LYRM4: variants seen among roughly 807,000 people sequenced by gnomAD.
LYRM4 encodes LYR motif-containing protein 4.
LYRM4 carries 9 observed loss-of-function variants against 11.7 expected under a neutral mutation model. That is an observed-to-expected ratio of 0.77 (90% CI 0.46 to 1.34). The LOEUF (loss-of-function observed/expected upper bound fraction) is 1.34. Ranked by LOEUF, LYRM4 falls within the 40% of genes most tolerant of loss-of-function variation. The pLI is 0.00. For missense variants in LYRM4, 133 were observed against 112.5 expected, an observed-to-expected ratio of 1.18 and a Z score of -0.82; for synonymous variants, 42 against 40.4, an observed-to-expected ratio of 1.04 and a Z score of -0.15.
chr6:5,110,000 C>T (rs780798834), intron 2 of LYRM4, among the ~76,000 whole-genome samples: 15 of 152,224 alleles, frequency 9.9e-5, no homozygotes, highest in Non-Finnish European at 1.6e-4. Flanking sequence ...AGTGCCTGCA[C>T]CTCCTGCCTT....
At chr6:5,121,539 A>G (rs1228063210) in intron 2 of LYRM4, among the ~76,000 whole-genome samples, 1 of 152,192 alleles carries the variant, frequency 6.6e-6, no homozygotes, top group African/African-American at 2.4e-5. Context: ...AGCATTGCAC[A>G]ACAGAGGATC....
chr6:5,204,298 G>C (rs1443111073), intron 2 of LYRM4, among the ~76,000 whole-genome samples: 1 of 152,198 alleles, frequency 6.6e-6, no homozygotes, highest in Non-Finnish European at 1.5e-5. Context: ...CTGGGGGACA[G>C]GGGAATACTC....
chr6:5,184,816 T>TAAATG (rs2127682866), intron 2 of LYRM4, among the ~76,000 whole-genome samples: 1 of 152,282 alleles, frequency 6.6e-6, no homozygotes. Flanking sequence ...GAGAGGGTGG[T>TAAATG]AAATGAGCAG....
chr6:5,088,522 T>C, the LYRM4 span: 18 of 152,372 alleles, frequency 1.2e-4, no homozygotes, highest in Admixed American at 5.9e-4. Flanking sequence ...TGCACACTCA[T>C]TTCTGTCTTC....
intron 1 of LYRM4, among the ~76,000 whole-genome samples, chr6:5,234,130 A>G (rs989182488): frequency 2.6e-5 from 4 of 152,268 alleles, no homozygotes; most frequent in Admixed American, 6.5e-5. Flanking sequence ...TAAAACATAA[A>G]ATAATAAAAT....
chr6:5,070,997 C>A, the LYRM4 span, among the ~76,000 whole-genome samples: 1 of 151,952 alleles, frequency 6.6e-6, no homozygotes, highest in African/African-American at 2.4e-5. Flanking sequence ...CGAGACCAGC[C>A]TGGCCAACAT....
intron 2 of LYRM4, among the ~76,000 whole-genome samples, chr6:5,158,944 G>A (rs1437627261): frequency 7.0e-6 from 1 of 143,144 alleles, no homozygotes; most frequent in Non-Finnish European, 1.6e-5. Context: ...ACTGAAATGT[G>A]GGTGAGAAGG....
rs556163785 is a variant in LYRM4 at position 5,214,918 on chromosome 6, G to A, written c.207+1700C>T. Among the ~76,000 whole-genome samples the A allele has an allele frequency of 1.1e-4, 16 of 152,314 alleles. No homozygotes were observed. The South Asian group carries it at 1.5e-3, about 14-fold the overall frequency. The stretch of plus-strand genomic sequence containing the variant: ...AAGGTCGCCGTGTGTATTCTCCATC[G>A]GGAACGTGCAGTGGCCAGGCTGCCC... On this transcript the variant is annotated intron_variant, in intron 2 of 2. Coordinates refer to ENST00000330636, the MANE Select transcript of LYRM4 (RefSeq NM_020408.6).
At chr6:5,215,538 C>G (rs754596753) in intron 2 of LYRM4, among the ~76,000 whole-genome samples, 12 of 152,192 alleles carry the variant, frequency 7.9e-5, no homozygotes, top group Admixed American at 2.0e-4. Context: ...TTAGGAGAAT[C>G]CGAAATGCTA....
chr6:5,120,384 G>A (rs757822728), intron 2 of LYRM4, among the ~76,000 whole-genome samples: 20 of 152,172 alleles, frequency 1.3e-4, no homozygotes, highest in African/African-American at 4.1e-4. Flanking sequence ...TAGTGTGCCC[G>A]GAGTTTGTTC....
the LYRM4 span, among the ~76,000 whole-genome samples, chr6:5,062,147 C>T: frequency 2.2e-5 from 3 of 134,130 alleles, no homozygotes; most frequent in South Asian, 2.3e-4. Flanking sequence ...TGCAGTGGTG[C>T]GATAATAGCT....
At chr6:5,072,735 G>A in the LYRM4 span, among the ~76,000 whole-genome samples, 2 of 152,076 alleles carry the variant, frequency 1.3e-5, no homozygotes, top group African/African-American at 4.8e-5. Context: ...TTAAACAAAG[G>A]TAAGACCAGG....
At chr6:5,154,554 A>T (rs79748569) in intron 2 of LYRM4, among the ~76,000 whole-genome samples, 7 of 152,138 alleles carry the variant, frequency 4.6e-5, no homozygotes, top group African/African-American at 7.2e-5. Flanking sequence ...CGGTGGCTCA[A>T]GCCTGTAATC....
chr6:5,260,586 C>A, intron 1 of LYRM4, 62 bp downstream of exon 1: 1 of 1,303,068 alleles, frequency 7.7e-7, no homozygotes. Flanking sequence ...CCGCGTCAGC[C>A]CGCACCCCCG....
the LYRM4 span, among the ~76,000 whole-genome samples, chr6:5,049,142 G>A: frequency 2.6e-5 from 4 of 152,152 alleles, no homozygotes; most frequent in Non-Finnish European, 4.4e-5. Flanking sequence ...TGACCGCTGT[G>A]AGACAGACCT....
chr6:5,099,934 C>T (rs1438435361), downstream of LYRM4, among the ~76,000 whole-genome samples: 4 of 152,200 alleles, frequency 2.6e-5, no homozygotes, highest in Admixed American at 1.3e-4. This position sits in a 1 kb window ranked among gnomAD's most constrained non-coding sequence, Gnocchi z 4.3. Flanking sequence ...ACAGGAAGGA[C>T]ATTTTGCTTG....
intron 1 of LYRM4, among the ~76,000 whole-genome samples, chr6:5,231,816 C>T (rs1469778060): frequency 6.6e-6 from 1 of 152,152 alleles, no homozygotes; most frequent in African/African-American, 2.4e-5. Flanking sequence ...GTTTGCTTGG[C>T]TATTTATAAT....
intron 2 of LYRM4, among the ~76,000 whole-genome samples, chr6:5,215,179 G>T (rs1032218804): frequency 3.9e-5 from 6 of 152,028 alleles, no homozygotes; most frequent in African/African-American, 1.5e-4. Context: ...ATAATTTTAC[G>T]CTAAAGATAA....
intron 2 of LYRM4, among the ~76,000 whole-genome samples, chr6:5,115,521 C>T (rs1217743240): frequency 6.6e-6 from 1 of 152,158 alleles, no homozygotes; most frequent in Non-Finnish European, 1.5e-5. Context: ...CAGCAGTTAC[C>T]ATCATGTCTA....
Sources: gnomAD v4.1 joint callset for allele counts (sites outside exome capture counted in the v4.1 genomes callset) on GRCh38, gnomAD v4.1.1 for gene constraint, Gnocchi (gnomAD v3.1) non-coding constraint, MANE v1.5 for transcripts, NCBI Gene and HGNC (gene_info 2026-07-23, HGNC 2026-07-21) for gene names.